The following STXBP6 variants were observed in gnomAD, a reference collection of about 807,000 sequenced individuals.
STXBP6 encodes syntaxin-binding protein 6.
STXBP6 carries 21 observed loss-of-function variants against 26.9 expected under a neutral mutation model. The observed-to-expected ratio is 0.78, with a 90% CI of 0.55 to 1.12. The LOEUF (loss-of-function observed/expected upper bound fraction) is 1.12. STXBP6 is among the 50% of genes most tolerant of loss of function. The pLI is 0.00. For missense variants in STXBP6, 232 were observed against 257.9 expected, an observed-to-expected ratio of 0.90 and a Z score of 0.69; for synonymous variants, 97 against 92.6, an observed-to-expected ratio of 1.05 and a Z score of -0.27.
At chr14:24,860,766 A>G (rs2069508999) in intron 2 of STXBP6, among the ~76,000 whole-genome samples, 1 of 151,890 alleles carries the variant, frequency 6.6e-6, no homozygotes, top group African/African-American at 2.4e-5. Flanking sequence ...GCCATTTCTC[A>G]AAAAAGTAAA....
intron 4 of STXBP6, among the ~76,000 whole-genome samples, chr14:24,851,606 C>T (rs1183018556): frequency 2.6e-5 from 4 of 152,048 alleles, no homozygotes; most frequent in Non-Finnish European, 5.9e-5. Flanking sequence ...TTTGAGGCAC[C>T]TTTGAAGTAC....
At chr14:24,853,430 T>C (rs993262832) in intron 4 of STXBP6, among the ~76,000 whole-genome samples, 2 of 152,168 alleles carry the variant, frequency 1.3e-5, no homozygotes, top group African/African-American at 4.8e-5. Context: ...TACTACATGC[T>C]TAATTTAAAC....
At chr14:24,975,478 A>G (rs1203595217) in intron 1 of STXBP6, among the ~76,000 whole-genome samples, 1 of 152,142 alleles carries the variant, frequency 6.6e-6, no homozygotes, top group African/African-American at 2.4e-5. Flanking sequence ...CTCTGCATCT[A>G]GTTACCATGC....
At chr14:24,886,438 C>T (rs1338526594) in intron 2 of STXBP6, among the ~76,000 whole-genome samples, 2 of 152,138 alleles carry the variant, frequency 1.3e-5, no homozygotes, top group African/African-American at 4.8e-5. Flanking sequence ...GATAATGCAT[C>T]TAATGACCTT....
intron 4 of STXBP6, among the ~76,000 whole-genome samples, chr14:24,821,634 T>C (rs1401851938): frequency 6.6e-6 from 1 of 152,220 alleles, no homozygotes; most frequent in Non-Finnish European, 1.5e-5. Flanking sequence ...ACCCACATTT[T>C]AGGCACAGTG....
At chr14:25,009,644 C>G (rs2074986291) in intron 1 of STXBP6, among the ~76,000 whole-genome samples, 1 of 152,100 alleles carries the variant, frequency 6.6e-6, no homozygotes, top group South Asian at 2.1e-4. Flanking sequence ...TGGTGCTGAC[C>G]CTGCACTAAG....
chr14:24,827,610 CTT>C (rs2068326040), intron 4 of STXBP6, among the ~76,000 whole-genome samples: 1 of 152,180 alleles, frequency 6.6e-6, no homozygotes, highest in Non-Finnish European at 1.5e-5. Context: ...GGTTTCTTTA[CTT>C]AGCCCTCCAC....
chr14:24,908,430 C>G (rs1472862523), intron 2 of STXBP6, among the ~76,000 whole-genome samples: 1 of 152,192 alleles, frequency 6.6e-6, no homozygotes, highest in Non-Finnish European at 1.5e-5. Flanking sequence ...CATGGCATGT[C>G]TTTGCTTAAA....
intron 2 of STXBP6, among the ~76,000 whole-genome samples, chr14:24,861,042 A>C (rs2069521305): frequency 1.3e-5 from 2 of 152,018 alleles, no homozygotes; most frequent in Non-Finnish European, 1.5e-5. Context: ...TCTCAAAAAA[A>C]GAAAGAAAGA....
chr14:25,015,333 G>C (rs2075125378), intron 1 of STXBP6, among the ~76,000 whole-genome samples: 1 of 151,940 alleles, frequency 6.6e-6, no homozygotes, highest in Non-Finnish European at 1.5e-5. Flanking sequence ...CTAATGAAGG[G>C]GCCTCTTGTG....
intron 2 of STXBP6, among the ~76,000 whole-genome samples, chr14:24,966,432 G>A (rs991576181): frequency 2.6e-5 from 4 of 151,288 alleles, no homozygotes; most frequent in Admixed American, 6.6e-5. Context: ...TTTGGAGTCA[G>A]ATGGACCCAG....
intron 5 of STXBP6, chr14:24,817,881 G>A: frequency 5.5e-6 from 2 of 361,330 alleles, no homozygotes; most frequent in Middle Eastern, 8.9e-4. Flanking sequence ...GACAGAGAAT[G>A]AATGAGATGA....
chr14:24,856,855 T>G (rs890315161), intron 3 of STXBP6, among the ~76,000 whole-genome samples, 172 bp downstream of exon 3: 2 of 152,040 alleles, frequency 1.3e-5, no homozygotes, highest in Non-Finnish European at 2.9e-5. Context: ...ATGAAAAGAT[T>G]TATAATTTCC....
chr14:25,049,983 C>G lies in STXBP6; in HGVS notation c.-138G>C. The G allele has an allele frequency of 1.5e-6, 1 of 669,190 alleles. No homozygotes were observed. The allele number at this position is 669,190 out of a possible 1,614,324, so 41.5% of individuals were successfully genotyped here. The stretch of plus-strand genomic sequence containing the variant: ...CCCGCGCGGGGCTCCGGGCTCCGGA[C>G]AAGGCTTAGCCGGCCCGGGTGCTGG... On this transcript the variant is annotated 5_prime_UTR_variant, in exon 1 of 6. Transcript: ENST00000323944. The surrounding 1 kb of genome is among the most constrained non-coding windows in gnomAD (Gnocchi z 5.6).
intron 2 of STXBP6, among the ~76,000 whole-genome samples, chr14:24,958,882 T>C (rs1027542454): frequency 3.3e-5 from 5 of 152,098 alleles, no homozygotes; most frequent in African/African-American, 1.2e-4. Flanking sequence ...TCCTTAAATA[T>C]CAACAAAGAA....
intron 2 of STXBP6, among the ~76,000 whole-genome samples, chr14:24,892,511 A>G (rs1230430340): frequency 6.6e-6 from 1 of 152,168 alleles, no homozygotes; most frequent in Non-Finnish European, 1.5e-5. Flanking sequence ...ATCCTTAGAA[A>G]GCAATTCTGA....
At chr14:24,827,895 TAA>T (rs1485223723) in intron 4 of STXBP6, among the ~76,000 whole-genome samples, 2 of 152,178 alleles carry the variant, frequency 1.3e-5, no homozygotes, top group Non-Finnish European at 2.9e-5. Context: ...AGAAAATCCT[TAA>T]AGTTTTATCA....
Position 24,932,916 on chromosome 14 carries a change from G to A in STXBP6, c.154+41749C>T, listed in dbSNP as rs530543017. On this transcript the variant is annotated intron_variant, in intron 2 of 5. Coordinates refer to ENST00000323944, the MANE Select transcript of STXBP6 (RefSeq NM_001394410.1). Reference sequence around the variant, plus strand: ...TCTGTTTTGACCATGTTAAGTTTGGGAAGCCTAGTAGACATATGAATGGAA... The same window carrying A: ...TCTGTTTTGACCATGTTAAGTTTGGAAAGCCTAGTAGACATATGAATGGAA... Among the ~76,000 whole-genome samples, 12 of 152,340 alleles carry A rather than the reference G, an allele frequency of 7.9e-5. No individual in the cohort carries two copies. In the East Asian group the frequency reaches 1.7e-3, roughly 22 times the overall value.
At position 24,884,699 on chromosome 14, in the gene STXBP6, T is replaced by G. The variant is rs56716340; in HGVS notation, c.155-27542A>C. Among the ~76,000 whole-genome samples, 651 of 152,316 alleles carry G rather than the reference T, an allele frequency of 4.3e-3. 10 individuals carry two copies. Among genetic ancestry groups the G allele is most frequent in the African/African-American group, 0.015 (614 of 41,558 alleles). ...TGGCAAATCGATCTTCAATGCTAAC[T>G]TTCCAAAAATATGCACATATTCAGT... is the stretch of plus-strand genomic sequence containing the variant. On this transcript the variant is annotated intron_variant, in intron 2 of 5. Coordinates refer to ENST00000323944, the MANE Select transcript of STXBP6 (RefSeq NM_001394410.1).
Sources: allele counts gnomAD v4.1 joint callset (sites outside exome capture counted in the v4.1 genomes callset), GRCh38; gene constraint gnomAD v4.1.1; non-coding constraint Gnocchi (gnomAD v3.1); transcripts MANE v1.5; gene names NCBI Gene and HGNC (gene_info 2026-07-23, HGNC 2026-07-21).